The following MCCC2 variants were observed in gnomAD, a reference collection of about 807,000 sequenced individuals.
MCCC2 encodes the protein methylcrotonoyl-CoA carboxylase beta chain, mitochondrial.
Under a neutral mutation model 77.2 loss-of-function variants are expected in MCCC2, and 52 were observed. The ratio of observed to expected loss-of-function variants is 0.67; its 90% confidence interval spans 0.54 to 0.85. The LOEUF (loss-of-function observed/expected upper bound fraction) is 0.85. Among genes scored for constraint, MCCC2 ranks in the 40% least tolerant of loss-of-function variants. MCCC2 has a pLI of 0.00. For synonymous variants in MCCC2, 253 were observed against 248.4 expected (o/e 1.02, Z -0.18); for missense variants, 682 against 703.2 (o/e 0.97, Z 0.34).
intron 1 of MCCC2, among the ~76,000 whole-genome samples, chr5:71,589,329 A>G (rs1047799935): frequency 2.0e-5 from 3 of 152,224 alleles, no homozygotes; most frequent in Admixed American, 6.5e-5. Context: ...CACAACAGTA[A>G]ATATTAGTCT....
At chr5:71,646,908 C>G (rs1747288536) in intron 13 of MCCC2, among the ~76,000 whole-genome samples, 1 of 152,130 alleles carries the variant, frequency 6.6e-6, no homozygotes, top group African/African-American at 2.4e-5. Context: ...TAAGTAACAT[C>G]ATTTTAAAAT....
In MCCC2 at chr5:71,657,951, C is replaced by A. The variant is rs1747628718; in HGVS notation, c.*1091C>A. Reference sequence around the variant, plus strand: ...GGAACCTCTGGCTTGCTCATTAAGTCCTACTGATTTTCACTATCCCCTGAA... The same window carrying A: ...GGAACCTCTGGCTTGCTCATTAAGTACTACTGATTTTCACTATCCCCTGAA... On this transcript the variant is annotated 3_prime_UTR_variant, in exon 17 of 17. Transcript: ENST00000340941. The A allele has an allele frequency of 6.6e-6, 1 of 152,166 alleles. No homozygotes were observed. Among genetic ancestry groups the A allele is most frequent in the Non-Finnish European group, 1.5e-5 (1 of 68,090 alleles). The allele number at this position is 152,166 out of a possible 1,614,324, so 9.4% of individuals were successfully genotyped here. A position where few individuals can be genotyped will look rare whatever the true frequency, so the allele number is the denominator to read the frequency against.
chr5:71,618,377 C>T (rs1286933311), intron 6 of MCCC2, among the ~76,000 whole-genome samples: 1 of 152,218 alleles, frequency 6.6e-6, no homozygotes, highest in Non-Finnish European at 1.5e-5. Flanking sequence ...TCTGCTGTTC[C>T]ACCATGGGAT....
chr5:71,623,829 T>C (rs1187259822), intron 6 of MCCC2, among the ~76,000 whole-genome samples: 1 of 152,318 alleles, frequency 6.6e-6, no homozygotes, highest in Non-Finnish European at 1.5e-5. Flanking sequence ...TGGAGAAATG[T>C]GTCGGAAGTG....
At chr5:71,587,608 G>T in intron 1 of MCCC2, 54 bp downstream of exon 1, 1 of 1,524,976 alleles carries the variant, frequency 6.6e-7, no homozygotes, top group African/African-American at 1.4e-5. Context: ...GGAAGCAAGT[G>T]GAGGAGGGGC....
At chr5:71,596,669 T>C (rs1054311764) in intron 3 of MCCC2, among the ~76,000 whole-genome samples, 27 of 152,096 alleles carry the variant, frequency 1.8e-4, no homozygotes, top group African/African-American at 6.0e-4. Context: ...TGGCTGGGTG[T>C]GGTGGCTCAC....
chr5:71,604,390 A>T lies in MCCC2; in HGVS notation c.546A>T (p.Ala182=). The change falls in exon 6 of 17, where the codon GCA becomes GCT. Residue 182 remains alanine (A), a synonymous_variant. Transcript: ENST00000340941. The part of the protein sequence containing the change: ...DSGGAYLPRQ[A]DVFPDRDHFG... ...GAGGAGCATACTTACCTCGACAAGCAGATGTGTTTCCAGATCGAGACCACT... is the reference window on the plus strand; with the variant it reads ...GAGGAGCATACTTACCTCGACAAGCTGATGTGTTTCCAGATCGAGACCACT... The T allele has an allele frequency of 1.9e-6, 3 of 1,614,170 alleles. No homozygotes were observed. The highest frequency in any genetic ancestry group is 2.5e-6 in the Non-Finnish European group (3 of 1,180,032).
chr5:71,596,368 C>T lies in MCCC2; in HGVS notation c.281+4C>T, dbSNP rs758998339. ...TTGACAATCTCATAGACCCAGGGTG[C>T]GTACATAGCCAAGTACTGACTCAGA... On this transcript the variant is annotated splice_donor_region_variant and intron_variant, in intron 3 of 16. Coordinates refer to ENST00000340941, the MANE Select transcript of MCCC2 (RefSeq NM_022132.5). The T allele has an allele frequency of 2.7e-5, 44 of 1,611,180 alleles. No homozygotes were observed. The highest frequency in any genetic ancestry group is 2.1e-4 in the South Asian group (19 of 91,032).
intron 2 of MCCC2, among the ~76,000 whole-genome samples, chr5:71,593,805 T>G (rs143692261): frequency 0.027 from 4,053 of 152,328 alleles, 72 homozygotes; most frequent in Non-Finnish European, 0.043. Flanking sequence ...TATATAATAC[T>G]TAAAATTGTA....
intron 13 of MCCC2, among the ~76,000 whole-genome samples, chr5:71,647,630 G>A (rs1454152447): frequency 1.3e-5 from 2 of 152,098 alleles, no homozygotes; most frequent in South Asian, 2.1e-4. Flanking sequence ...GGCATATAGT[G>A]GGCAGGTGAA....
intron 6 of MCCC2, among the ~76,000 whole-genome samples, chr5:71,614,454 A>G (rs929954851): frequency 2.0e-5 from 3 of 150,198 alleles, no homozygotes; most frequent in Non-Finnish European, 4.4e-5. Flanking sequence ...TAACGTGGCC[A>G]GCATAGTGAG....
At chr5:71,625,110 T>G (rs1030936929) in intron 6 of MCCC2, among the ~76,000 whole-genome samples, 2 of 152,244 alleles carry the variant, frequency 1.3e-5, no homozygotes, top group African/African-American at 4.8e-5. Context: ...TTTTGCTCTC[T>G]GGTTGTTTTC....
At chr5:71,604,239 C>G in intron 5 of MCCC2, 117 bp from the exon 6 acceptor site, 1 of 868,582 alleles carries the variant, frequency 1.2e-6, no homozygotes, top group Admixed American at 1.9e-5. Context: ...TTTAGAAAGA[C>G]AGGGCAAGTT....
chr5:71,610,322 C>T (rs1243749907), intron 6 of MCCC2, among the ~76,000 whole-genome samples: 1 of 152,280 alleles, frequency 6.6e-6, no homozygotes, highest in South Asian at 2.1e-4. Flanking sequence ...GTGGGAGTGA[C>T]CCGATTTTCC....
chr5:71,594,415 C>T (rs192837294), intron 2 of MCCC2, among the ~76,000 whole-genome samples: 1 of 151,828 alleles, frequency 6.6e-6, no homozygotes, highest in African/African-American at 2.4e-5. Context: ...GTAATCCCAC[C>T]TACTCGGGAG....
At position 71,616,320 on chromosome 5, in the gene MCCC2, A is replaced by G. The variant is rs138147889; in HGVS notation, c.625-10320A>G. On this transcript the variant is annotated intron_variant, in intron 6 of 16. Transcript: ENST00000340941. Reference sequence around the variant, plus strand: ...TGGCAGCCCTGATTTACAGTCAATCAGAAATATAGGTGACAACCTGCTCCT... The same window carrying G: ...TGGCAGCCCTGATTTACAGTCAATCGGAAATATAGGTGACAACCTGCTCCT... Among the ~76,000 whole-genome samples, 24 of 152,368 alleles carry G rather than the reference A, an allele frequency of 1.6e-4. 1 individual carries two copies. The East Asian group carries it at 4.6e-3, about 29-fold the overall frequency.
At chr5:71,590,011 G>C (rs1235750731) in intron 1 of MCCC2, among the ~76,000 whole-genome samples, 1 of 152,146 alleles carries the variant, frequency 6.6e-6, no homozygotes, top group Non-Finnish European at 1.5e-5. Context: ...CAGTGGCTCA[G>C]CTCCAATTCA....
intron 7 of MCCC2, among the ~76,000 whole-genome samples, chr5:71,629,251 TTACTTCTA>T (rs1746633958): frequency 6.6e-6 from 1 of 151,990 alleles, no homozygotes; most frequent in Non-Finnish European, 1.5e-5. Flanking sequence ...ATAAATGATT[TTACTTCTA>T]TGAAATATTG....
chr5:71,643,674 T>A (rs1747192590), intron 11 of MCCC2, 145 bp from the exon 12 acceptor site: 5 of 1,507,278 alleles, frequency 3.3e-6, no homozygotes, highest in Non-Finnish European at 4.5e-6. Flanking sequence ...GATTGTGACA[T>A]GAGCTGTTTT....
Sources: gnomAD v4.1 joint callset for allele counts (sites outside exome capture counted in the v4.1 genomes callset) on GRCh38, gnomAD v4.1.1 for gene constraint, MANE v1.5 for transcripts, NCBI Gene and HGNC (gene_info 2026-07-23, HGNC 2026-07-21) for gene names.